GAK: variants seen among roughly 807,000 people sequenced by gnomAD.
GAK encodes the protein cyclin-G-associated kinase.
GAK carries 79 observed loss-of-function variants against 143.9 expected under a neutral mutation model. The observed-to-expected ratio is 0.55, with a 90% confidence interval of 0.46 to 0.66. The LOEUF is 0.66. Ranked by LOEUF, GAK falls within the 30% of genes least tolerant of loss-of-function variation. The pLI, the probability that GAK is intolerant of heterozygous loss-of-function variation, is 0.00. For synonymous variants in GAK, 881 were observed against 765.5 expected (o/e 1.15, Z -2.49); for missense variants, 1,693 against 1,779.7 (o/e 0.95, Z 0.88).
intron 2 of GAK, among the ~76,000 whole-genome samples, chr4:913,051 G>C (rs1005949812): frequency 1.3e-5 from 2 of 152,232 alleles, no homozygotes; most frequent in African/African-American, 2.4e-5. Flanking sequence ...AGAGTAAAAT[G>C]AGACAGACAA....
chr4:919,158 CCTT>C (rs1438150163), intron 1 of GAK, among the ~76,000 whole-genome samples: 2 of 151,108 alleles, frequency 1.3e-5, no homozygotes, highest in African/African-American at 4.9e-5. Context: ...CGCCGCATGA[CCTT>C]AGCAGGACAG....
chr4:921,323 G>A lies in GAK; in HGVS notation c.146-7655C>T, dbSNP rs571074614. On this transcript the variant is annotated intron_variant, in intron 1 of 27. Transcript: ENST00000314167. ...TCACTATGTTGCCCAGGTTGGTCTCGAACTCCTGGCTTCAGGTGCCTTGGC... is the reference window on the plus strand; with the variant it reads ...TCACTATGTTGCCCAGGTTGGTCTCAAACTCCTGGCTTCAGGTGCCTTGGC... Among the ~76,000 whole-genome samples the A allele has an allele frequency of 6.6e-5, 10 of 152,150 alleles. No homozygotes were observed. In the South Asian group the frequency reaches 2.1e-3, roughly 32 times the overall value.
In GAK at chr4:849,551, G is replaced by C; in HGVS notation, c.*122C>G. The C allele has an allele frequency of 1.5e-6, 1 of 683,600 alleles. No individual in the cohort carries two copies. The highest frequency in any genetic ancestry group is 1.8e-5 in the African/African-American group (1 of 55,628). The allele number at this position is 683,600 out of a possible 1,614,324, so 42.3% of individuals were successfully genotyped here. ...GGAACGCTGGGCGGGCGGTGACCCG[G>C]GGCTCGGAGCCCCACCCTGGCCACA... On this transcript the variant is annotated 3_prime_UTR_variant, in exon 28 of 28. Coordinates refer to ENST00000314167, the MANE Select transcript of GAK (RefSeq NM_005255.4).
At chr4:903,524 G>C (rs1232170240) in intron 5 of GAK, among the ~76,000 whole-genome samples, 2 of 152,168 alleles carry the variant, frequency 1.3e-5, no homozygotes, top group Non-Finnish European at 2.9e-5. Flanking sequence ...GGACTGCCCA[G>C]GGGCCAAGGA....
chr4:931,992 C>T (rs1725940099), intron 1 of GAK, 51 bp downstream of exon 1: 1 of 1,331,894 alleles, frequency 7.5e-7, no homozygotes. Context: ...CCCCAGCGTC[C>T]CGGAGACAAC....
At chr4:859,851 C>A in intron 23 of GAK, 129 bp from the exon 24 acceptor site, 1 of 685,506 alleles carries the variant, frequency 1.5e-6, no homozygotes, top group Non-Finnish European at 2.5e-6. Context: ...ACCTGCATGG[C>A]TTGCGTGCAC....
intron 1 of GAK, among the ~76,000 whole-genome samples, chr4:930,225 T>C (rs1560456705): frequency 6.6e-6 from 1 of 152,184 alleles, no homozygotes; most frequent in Admixed American, 6.5e-5. Context: ...TCTGTTTCAG[T>C]TCAAAGAGGC....
chr4:883,616 G>A (rs561734034), intron 12 of GAK, among the ~76,000 whole-genome samples, 153 bp from the exon 13 acceptor site: 4 of 152,318 alleles, frequency 2.6e-5, no homozygotes, highest in South Asian at 4.1e-4. Flanking sequence ...CTCACCCTCC[G>A]TGGACTCCCA....
At chr4:911,556 A>G (rs1390905546) in intron 4 of GAK, 117 bp downstream of exon 4, 1 of 715,336 alleles carries the variant, frequency 1.4e-6, no homozygotes, top group African/African-American at 1.8e-5. Flanking sequence ...CGCTAAGACC[A>G]ACACAGCTTG....
chr4:924,536 T>TTTGGATCTTTATTCATAACAGCGGAC (rs1560446533), intron 1 of GAK, among the ~76,000 whole-genome samples: 28 of 150,710 alleles, frequency 1.9e-4, no homozygotes, highest in African/African-American at 5.7e-4. Flanking sequence ...TAACAGCGGA[T>TTTGGATCTTTATTCATAACAGCGGAC]ACGGTTTGGA....
chr4:895,587 C>T (rs1032704902), intron 7 of GAK, among the ~76,000 whole-genome samples: 10 of 152,252 alleles, frequency 6.6e-5, no homozygotes, highest in Admixed American at 2.0e-4. Context: ...GCTGATGGCA[C>T]GGCTGACCCG....
chr4:912,389 C>T (rs1340966930), intron 3 of GAK: 6 of 372,920 alleles, frequency 1.6e-5, no homozygotes, highest in South Asian at 6.4e-5. Context: ...GCCATCTGCA[C>T]GGCTCTCAGC....
intron 11 of GAK, chr4:887,697 ACT>A (rs1716777928): frequency 6.6e-6 from 1 of 152,200 alleles, no homozygotes; most frequent in Non-Finnish European, 1.5e-5. Flanking sequence ...GCTCACGCGC[ACT>A]CACAAGCACT....
At chr4:920,286 C>A (rs182725686) in intron 1 of GAK, among the ~76,000 whole-genome samples, 2 of 148,790 alleles carry the variant, frequency 1.3e-5, no homozygotes, top group Non-Finnish European at 3.0e-5. Flanking sequence ...CCAACCTGGG[C>A]GACAGAGCAA....
At position 867,386 on chromosome 4, in the gene GAK, C is replaced by G. The variant is rs1043369485; in HGVS notation, c.2442G>C (p.Glu814Asp). ...ETGAENASSK[E>D]SESALMEDRD... ...TGTCCTCCATCAGGGCAGACTCGCT[C>G]TCCTTGGAAGAGGCATTTTCTGCAC... Residue 814 changes from glutamate (E) to aspartate (D), a missense_variant, in exon 21 of 28, where the codon GAG (glutamate) becomes GAC (aspartate). Around this residue, in one of 2 missense-constraint regions of GAK, gnomAD observed 822 missense variants for 788.7 expected, o/e 1.04. Transcript: ENST00000314167. 5.1e-6 allele frequency: 8 copies of G among 1,566,782 alleles called. No individual in the cohort carries two copies. The highest frequency in any genetic ancestry group is 6.9e-6 in the Non-Finnish European group (8 of 1,152,544).
chr4:866,080 G>A (rs1751112491), intron 22 of GAK, among the ~76,000 whole-genome samples: 1 of 152,268 alleles, frequency 6.6e-6, no homozygotes, highest in African/African-American at 2.4e-5. Context: ...CTGGGCCTGA[G>A]GAGGCCTGGA....
rs531469094 is a variant in GAK at position 859,549 on chromosome 4, G to A, written c.3283+57C>T. ...GGGCAGCTCAGAGTCAGATAGACGA[G>A]AATAAACCTCCTACAAGGAAACAGC... On this transcript the variant is annotated intron_variant, in intron 24 of 27. Transcript: ENST00000314167. 6 of 1,587,968 alleles carry A rather than the reference G, an allele frequency of 3.8e-6. No homozygotes were observed. The South Asian group carries it at 6.6e-5, about 18-fold the overall frequency.
intron 1 of GAK, chr4:915,534 A>G (rs1722982436): frequency 6.6e-6 from 1 of 152,332 alleles, no homozygotes; most frequent in African/African-American, 2.4e-5. Context: ...AGAATTCTTC[A>G]TAAAACAGCA....
At position 876,286 on chromosome 4, in the gene GAK, G is replaced by C. The variant is rs550268360; in HGVS notation, c.2054+244C>G. Among the ~76,000 whole-genome samples the C allele has an allele frequency of 1.8e-4, 27 of 152,350 alleles. No homozygotes were observed. The Middle Eastern group carries it at 0.01, about 58-fold the overall frequency. The stretch of plus-strand genomic sequence containing the variant: ...CGCTCACCTGCTTACGCCACGCCCG[G>C]GTGTGAGGGCTAAATTCTAACAGAC... On this transcript the variant is annotated intron_variant, in intron 18 of 27. Transcript: ENST00000314167.
Sources: gnomAD v4.1 joint callset for allele counts (sites outside exome capture counted in the v4.1 genomes callset) on GRCh38, gnomAD v4.1.1 for gene constraint, gnomAD v4.1.1 regional missense constraint, MANE v1.5 for transcripts, NCBI Gene and HGNC (gene_info 2026-07-23, HGNC 2026-07-21) for gene names.